Variants in RASA3 observed in about 807,000 individuals in gnomAD.
RASA3 encodes the protein RAS p21 protein activator 3.
A neutral mutation model predicts 110.0 loss-of-function variants in RASA3; 73 were observed. That is an observed-to-expected ratio of 0.66 (90% CI 0.55 to 0.81). The LOEUF (loss-of-function observed/expected upper bound fraction) is 0.81, where lower values mean the gene tolerates loss of function less well. RASA3 is among the 30% of genes least tolerant of loss of function. RASA3 has a pLI of 0.00. For synonymous variants in RASA3, 500 were observed against 451.4 expected (o/e 1.11, Z -1.37); for missense variants, 976 against 1,113.2 (o/e 0.88, Z 1.75).
intron 4 of RASA3, among the ~76,000 whole-genome samples, chr13:114,038,072 A>G (rs1474218907): frequency 2.0e-5 from 3 of 148,414 alleles, no homozygotes; most frequent in African/African-American, 5.0e-5. Context: ...TCAAAATTAA[A>G]TCAGTAAAAA....
chr13:114,132,290 G>A (rs558075679), intron 1 of RASA3, 145 bp downstream of exon 1: 6 of 879,052 alleles, frequency 6.8e-6, no homozygotes, highest in East Asian at 3.4e-5. Context: ...CGCGGAGCCG[G>A]ACCAGCCGTT....
At chr13:114,039,653 G>A (rs571118657) in intron 4 of RASA3, among the ~76,000 whole-genome samples, 32 of 151,990 alleles carry the variant, frequency 2.1e-4, no homozygotes, top group Middle Eastern at 3.4e-3. Context: ...CACAGGAGCT[G>A]GTGCAGGCTT....
intron 3 of RASA3, among the ~76,000 whole-genome samples, chr13:114,045,230 C>G (rs1250266302): frequency 1.3e-5 from 2 of 152,214 alleles, no homozygotes; most frequent in Non-Finnish European, 2.9e-5. Flanking sequence ...TCTGATGTGC[C>G]TAATCCACAG....
At chr13:114,087,625 C>G (rs2079839173) in intron 1 of RASA3, among the ~76,000 whole-genome samples, 1 of 152,240 alleles carries the variant, frequency 6.6e-6, no homozygotes, top group East Asian at 1.9e-4. Context: ...CAGGAACGAG[C>G]CTGCCTCAGA....
chr13:114,094,784 G>A (rs969195940), intron 1 of RASA3, among the ~76,000 whole-genome samples: 1 of 152,046 alleles, frequency 6.6e-6, no homozygotes, highest in African/African-American at 2.4e-5. Flanking sequence ...TATGCATTTT[G>A]TTGGGCTATA....
rs111790593 is a variant in RASA3, at chr13:114,128,872, G to A, written c.55+3563C>T. 8.4e-3 allele frequency among the ~76,000 whole-genome samples: 1,277 copies of A among 152,256 alleles called. 13 individuals carry two copies. The highest frequency in any genetic ancestry group is 0.028 in the African/African-American group (1,176 of 41,530). ...CCCGGACGCTGACCGCCTCCAGCTC[G>A]ACGGCAGGGTCACCGCGGTGCGAGA... On this transcript the variant is annotated intron_variant, in intron 1 of 23. Transcript: ENST00000334062.
intron 14 of RASA3, among the ~76,000 whole-genome samples, chr13:114,013,742 CTCTCTCTCTCTCTCTCCA>C (rs1566478424): frequency 6.9e-5 from 1 of 14,428 alleles, no homozygotes. Flanking sequence ...CTGTCTCTGG[CTCTCTCTCTCTCTCTCCA>C]TCTCTCTGTC....
At chr13:114,074,221 T>G (rs2079628987) in intron 1 of RASA3, among the ~76,000 whole-genome samples, 1 of 152,204 alleles carries the variant, frequency 6.6e-6, no homozygotes, top group Non-Finnish European at 1.5e-5. Flanking sequence ...ACCACCGTCC[T>G]CTCTGGAACA....
rs2080102088 is a variant in RASA3, at chr13:114,104,247, C to T, written c.55+28188G>A. ...CGGACACCCACCCCTGATGCGTCCACACTGCCACGGCCACGGACACCCACC... is the reference window on the plus strand; with the variant it reads ...CGGACACCCACCCCTGATGCGTCCATACTGCCACGGCCACGGACACCCACC... On this transcript the variant is annotated intron_variant, in intron 1 of 23. Transcript: ENST00000334062. Among the ~76,000 whole-genome samples the T allele has an allele frequency of 3.1e-5, 3 of 96,130 alleles. 1 individual carries two copies. The highest frequency in any genetic ancestry group is 6.1e-5 in the Non-Finnish European group (3 of 49,488). 63.1% of individuals were successfully genotyped at this position (96,130 alleles called of 152,430 possible).
intron 1 of RASA3, among the ~76,000 whole-genome samples, chr13:114,111,109 A>AC (rs199774843): frequency 0.028 from 1,320 of 47,760 alleles, 48 homozygotes; most frequent in East Asian, 0.047. Flanking sequence ...TGAGCCACAA[A>AC]GAGCTGCAGG....
chr13:114,017,425 G>GGGGCC, intron 11 of RASA3, 74 bp from the exon 12 acceptor site: 1 of 1,162,630 alleles, frequency 8.6e-7, no homozygotes, highest in Non-Finnish European at 1.2e-6. Context: ...GCCTGGCCCC[G>GGGGCC]AGCACCTGCC....
At chr13:114,061,222 G>T (rs573445951) in intron 2 of RASA3, among the ~76,000 whole-genome samples, 1 of 152,148 alleles carries the variant, frequency 6.6e-6, no homozygotes, top group African/African-American at 2.4e-5. Context: ...GGCCGGGGAC[G>T]CTGCCTCGAT....
At chr13:114,087,949 G>GCGAA (rs1358919533) in intron 1 of RASA3, among the ~76,000 whole-genome samples, 2 of 152,216 alleles carry the variant, frequency 1.3e-5, no homozygotes, top group Admixed American at 1.3e-4. Context: ...GGCCAACATA[G>GCGAA]CGAAACCTCA....
intron 1 of RASA3, among the ~76,000 whole-genome samples, chr13:114,125,238 A>C (rs1264232518): frequency 6.6e-6 from 1 of 152,134 alleles, no homozygotes; most frequent in African/African-American, 2.4e-5. Context: ...GTTGGCGATT[A>C]CTCATTGGGC....
Position 114,090,184 on chromosome 13 carries a change from A to C in RASA3, c.56-16347T>G, listed in dbSNP as rs149687284. Among the ~76,000 whole-genome samples, 62 of 152,310 alleles carry C rather than the reference A, an allele frequency of 4.1e-4. No individual in the cohort carries two copies. The East Asian group carries it at 0.011, about 28-fold the overall frequency. ...TTACCAACGGGTGGGGCCGCACGGC[A>C]ACAGGTTTAATTACCCTAGGAGCCA... On this transcript the variant is annotated intron_variant, in intron 1 of 23. Transcript: ENST00000334062.
intron 1 of RASA3, among the ~76,000 whole-genome samples, chr13:114,109,161 A>C (rs1320470): frequency 0.035 from 5,284 of 152,310 alleles, 270 homozygotes; most frequent in Admixed American, 0.11. Flanking sequence ...GGGCCCCCGA[A>C]CACGACCGGC....
At chr13:114,015,991 G>A (rs1368328764) in intron 13 of RASA3, among the ~76,000 whole-genome samples, 3 of 152,084 alleles carry the variant, frequency 2.0e-5, no homozygotes, top group Admixed American at 6.5e-5. Context: ...CGCAGAGCCC[G>A]GCACACAGGC....
intron 11 of RASA3, among the ~76,000 whole-genome samples, chr13:114,017,580 G>C (rs2053822236): frequency 6.6e-6 from 1 of 152,238 alleles, no homozygotes; most frequent in Non-Finnish European, 1.5e-5. Context: ...CTACCTGCGT[G>C]GCCACCAGCT....
chr13:114,132,451 G>T lies in RASA3; in HGVS notation c.39C>A (p.Ser13Arg). 1 of 1,527,174 alleles carries T rather than the reference G, an allele frequency of 6.5e-7. No homozygotes were observed. The allele number at this position is 1,527,174 out of a possible 1,614,324, so 94.6% of individuals were successfully genotyped here. A position where few individuals can be genotyped will look rare whatever the true frequency, so the allele number is the denominator to read the frequency against. The change falls in exon 1 of 24, where the codon AGC becomes AGA. Residue 13 changes from serine (S) to arginine (R), a missense_variant. This residue lies in a region of RASA3 where 732 missense variants were observed against 779.7 expected (regional missense o/e 0.94). Transcript: ENST00000334062. Reference sequence around the variant, plus strand: ...GACACTCACCGATCTTGATCTTCACGCTCTGGAAGACCCGGAGCCCCTCGT... The same window carrying T: ...GACACTCACCGATCTTGATCTTCACTCTCTGGAAGACCCGGAGCCCCTCGT... Reference protein sequence around the residue: ...VEDEGLRVFQSVKIKIGEAKN... With the variant: ...VEDEGLRVFQRVKIKIGEAKN...
Sources: allele counts gnomAD v4.1 joint callset (sites outside exome capture counted in the v4.1 genomes callset), GRCh38; gene constraint gnomAD v4.1.1; regional missense constraint gnomAD v4.1.1; transcripts MANE v1.5; gene names NCBI Gene and HGNC (gene_info 2026-07-23, HGNC 2026-07-21).